CLIP1: variants seen among roughly 807,000 people sequenced by gnomAD.
CLIP1 encodes the protein CAP-Gly domain containing linker protein 1, also known as CAP-Gly domain-containing linker protein 1.
A neutral mutation model predicts 161.6 loss-of-function variants in CLIP1; 66 were observed. The ratio of observed to expected loss-of-function variants is 0.41; its 90% confidence interval spans 0.33 to 0.50. CLIP1 has a LOEUF of 0.50. Among genes scored for constraint, CLIP1 ranks in the 20% least tolerant of loss-of-function variants. CLIP1 has a pLI of 0.27. For missense variants in CLIP1, 1,376 were observed against 1,702.0 expected (o/e 0.81, Z 3.37); for synonymous variants, 598 against 626.2 (o/e 0.96, Z 0.67).
chr12:122,405,560 G>A (rs1443113520), intron 1 of CLIP1, among the ~76,000 whole-genome samples: 5 of 152,068 alleles, frequency 3.3e-5, no homozygotes, highest in Admixed American at 6.6e-5. Flanking sequence ...AGGCCAAGGC[G>A]GATAGATCAC....
intron 12 of CLIP1, 100 bp from the exon 13 acceptor site, chr12:122,334,805 G>A: frequency 1.3e-6 from 1 of 760,078 alleles, no homozygotes. Context: ...ACTTTTTGTT[G>A]CTGGTCTTGT....
At chr12:122,332,861 A>G (rs1952043825) in intron 15 of CLIP1, 126 bp downstream of exon 15, 1 of 712,574 alleles carries the variant, frequency 1.4e-6, no homozygotes, top group Admixed American at 3.1e-5. Flanking sequence ...TGAGGTAATA[A>G]CAGAAAAGAA....
At chr12:122,281,243 C>T (rs976215615) in intron 21 of CLIP1, among the ~76,000 whole-genome samples, 1 of 152,174 alleles carries the variant, frequency 6.6e-6, no homozygotes, top group African/African-American at 2.4e-5. Context: ...AACGGGTGGG[C>T]ATCAGTGCGG....
intron 1 of CLIP1, among the ~76,000 whole-genome samples, chr12:122,421,954 G>T (rs912271210): frequency 5.3e-5 from 8 of 152,348 alleles, no homozygotes; most frequent in African/African-American, 1.9e-4. Context: ...AGCCTTCCCC[G>T]GTCTCCGAGA....
intron 20 of CLIP1, among the ~76,000 whole-genome samples, chr12:122,306,524 AG>A (rs1950880418): frequency 1.3e-5 from 2 of 152,320 alleles, no homozygotes; most frequent in Admixed American, 1.3e-4. Context: ...GAGAAGCAGA[AG>A]CACACGATCC....
intron 17 of CLIP1, among the ~76,000 whole-genome samples, chr12:122,325,720 C>T (rs1951690330): frequency 6.6e-6 from 1 of 152,226 alleles, no homozygotes; most frequent in East Asian, 1.9e-4. Context: ...GTGGCACCAT[C>T]TCAGCTCACT....
intron 3 of CLIP1, among the ~76,000 whole-genome samples, chr12:122,369,002 C>T (rs1252357788): frequency 6.6e-6 from 1 of 150,704 alleles, no homozygotes; most frequent in African/African-American, 2.5e-5. Context: ...ATGAAAGAGC[C>T]AAAGCACGGT....
intron 3 of CLIP1, among the ~76,000 whole-genome samples, chr12:122,370,311 G>T (rs371199623): frequency 3.4e-4 from 52 of 152,268 alleles, no homozygotes; most frequent in African/African-American, 1.2e-3. Flanking sequence ...GTCCAAGGAA[G>T]GAGTTTCGAT....
At chr12:122,348,641 C>A in intron 9 of CLIP1, among the ~76,000 whole-genome samples, 1 of 152,112 alleles carries the variant, frequency 6.6e-6, no homozygotes, top group East Asian at 1.9e-4. Context: ...CTCTTCCCAC[C>A]CCCACCTCTC....
chr12:122,354,487 C>A lies in CLIP1; in HGVS notation c.1273G>T (p.Val425Leu). 2 of 1,613,862 alleles carry A rather than the reference C, an allele frequency of 1.2e-6. No homozygotes were observed. The highest frequency in any genetic ancestry group is 1.7e-6 in the Non-Finnish European group (2 of 1,179,836). Residue 425 changes from valine to leucine, a missense_variant, in exon 7 of 26, where the codon GTG (valine) becomes TTG (leucine). This residue lies in a region of CLIP1 where 211 missense variants were observed against 295.1 expected (regional missense o/e 0.72). Coordinates refer to ENST00000620786, the MANE Select transcript of CLIP1 (RefSeq NM_001247997.2). ...TCTTCAAGCTGGTTGAGAAGCTCCA[C>A]CTTCTCCCTGTCAGCAGCTTCCACC... The part of the protein sequence containing the change: ...TMVEAADREK[V>L]ELLNQLEEEK...
At chr12:122,330,598 T>TTTTTTTTTTTTTGTTTTTTTTTG (rs1951905416) in intron 15 of CLIP1, among the ~76,000 whole-genome samples, 4 of 14,078 alleles carry the variant, frequency 2.8e-4, no homozygotes, top group African/African-American at 7.9e-4. Context: ...TATAATGCAG[T>TTTTTTTTTTTTTGTTTTTTTTTG]TTTTTTTTTT....
intron 3 of CLIP1, among the ~76,000 whole-genome samples, chr12:122,367,526 G>A (rs930371121): frequency 6.6e-6 from 1 of 152,068 alleles, no homozygotes; most frequent in Non-Finnish European, 1.5e-5. Flanking sequence ...GCATTTCAAC[G>A]GGACTTTACA....
chr12:122,394,785 G>A (rs909903058), intron 1 of CLIP1, among the ~76,000 whole-genome samples: 11 of 151,984 alleles, frequency 7.2e-5, no homozygotes, highest in Admixed American at 3.9e-4. Flanking sequence ...CCCAGGAGGC[G>A]GAGGTTGCAG....
intron 9 of CLIP1, 55 bp from the exon 10 acceptor site, chr12:122,347,534 G>T: frequency 2.2e-6 from 3 of 1,350,796 alleles, no homozygotes; most frequent in Non-Finnish European, 2.1e-6. Flanking sequence ...TGACATGCCA[G>T]CACGAGAGGA....
chr12:122,375,525 C>G (rs1373926599), intron 3 of CLIP1, among the ~76,000 whole-genome samples: 1 of 152,076 alleles, frequency 6.6e-6, no homozygotes, highest in Non-Finnish European at 1.5e-5. Context: ...CCATGTTGAC[C>G]AGGCTGGTCT....
intron 19 of CLIP1, among the ~76,000 whole-genome samples, chr12:122,315,041 C>T (rs1951207711): frequency 6.6e-6 from 1 of 152,178 alleles, no homozygotes. Flanking sequence ...AAATCACCGA[C>T]ATCACAAGCT....
chr12:122,343,069 T>C (rs1227594579), intron 10 of CLIP1: 1 of 151,962 alleles, frequency 6.6e-6, no homozygotes, highest in African/African-American at 2.4e-5. Context: ...CTATCAAATG[T>C]TTCAATGAAT....
At chr12:122,363,835 GA>G (rs146850314) in intron 4 of CLIP1, 147 bp downstream of exon 4, 45 of 1,030,648 alleles carry the variant, frequency 4.4e-5, no homozygotes, top group Non-Finnish European at 4.6e-5. Context: ...TTAGTGTGGG[GA>G]AAAAAAATTA....
intron 9 of CLIP1, among the ~76,000 whole-genome samples, chr12:122,350,594 G>A (rs1449180795): frequency 6.6e-6 from 1 of 151,934 alleles, no homozygotes; most frequent in Non-Finnish European, 1.5e-5. Context: ...GCACTGGCAG[G>A]CACTGGCCAG....
Sources: gnomAD v4.1 joint callset for allele counts (sites outside exome capture counted in the v4.1 genomes callset) on GRCh38, gnomAD v4.1.1 for gene constraint, gnomAD v4.1.1 regional missense constraint, MANE v1.5 for transcripts, NCBI Gene and HGNC (gene_info 2026-07-23, HGNC 2026-07-21) for gene names.